DMD: variants seen among roughly 807,000 people sequenced by gnomAD.
DMD encodes dystrophin.
DMD carries 63 observed loss-of-function variants against 330.1 expected under a neutral mutation model. That is an observed-to-expected ratio of 0.19 (90% CI 0.16 to 0.24). DMD has a LOEUF of 0.24. DMD is among the 10% of genes least tolerant of loss of function. The pLI, the probability that DMD is intolerant of heterozygous loss-of-function variation, is 1.00. For missense variants in DMD, 3,344 were observed against 2,684.1 expected (o/e 1.25, Z -5.43); for synonymous variants, 1,223 against 959.8 (o/e 1.27, Z -5.07).
intron 45 of DMD, among the ~76,000 whole-genome samples, chrX:31,955,891 C>A (rs749703429): frequency 9.8e-5 from 11 of 112,002 alleles, no homozygotes; most frequent in Non-Finnish European, 1.5e-4. Context: ...AAATATTAGA[C>A]TTAGGCCATA....
intron 1 of DMD, among the ~76,000 whole-genome samples, chrX:33,192,350 T>C (rs766902486): frequency 1.8e-5 from 2 of 112,405 alleles, no homozygotes; most frequent in East Asian, 2.8e-4. Flanking sequence ...TCAAAAATCA[T>C]GTTAGTAATT....
At chrX:31,537,109 C>G (rs1183165518) in intron 55 of DMD, among the ~76,000 whole-genome samples, 2 of 112,378 alleles carry the variant, frequency 1.8e-5, no homozygotes, top group Non-Finnish European at 3.8e-5. Context: ...ATAATCAACA[C>G]TGAAATCACT....
At chrX:32,844,988 T>C (rs2080529338) in intron 3 of DMD, 128 bp from the exon 4 acceptor site, 1 of 579,871 alleles carries the variant, frequency 1.7e-6, no homozygotes, top group Non-Finnish European at 2.9e-6. Context: ...GAGGCATTAA[T>C]ATAATGAATC....
chrX:31,555,408 C>G (rs1317332800), intron 55 of DMD, among the ~76,000 whole-genome samples: 1 of 111,903 alleles, frequency 8.9e-6, no homozygotes, highest in African/African-American at 3.3e-5. Flanking sequence ...CATGAGGCAC[C>G]TGGGTACTAA....
chrX:32,648,365 T>C (rs1315240052), intron 9 of DMD, among the ~76,000 whole-genome samples: 2 of 112,158 alleles, frequency 1.8e-5, no homozygotes, highest in Non-Finnish European at 3.8e-5. Flanking sequence ...TAATTATTTG[T>C]CTAGATAGAC....
At chrX:32,336,602 C>T (rs186187514) in intron 41 of DMD, among the ~76,000 whole-genome samples, 3 of 111,256 alleles carry the variant, frequency 2.7e-5, no homozygotes, top group Non-Finnish European at 5.6e-5. Flanking sequence ...ATGTTCTGAA[C>T]GAGCAGTCTT....
intron 21 of DMD, among the ~76,000 whole-genome samples, chrX:32,479,393 T>C (rs1401876386): frequency 1.8e-5 from 2 of 111,443 alleles, no homozygotes; most frequent in Non-Finnish European, 3.8e-5. Flanking sequence ...CCAGTCTAAC[T>C]GAAACTTTCT....
Position 32,599,542 on chromosome X carries a change from G to C in DMD, c.1483-3666C>G, listed in dbSNP as rs189656088. 2.6e-3 allele frequency among the ~76,000 whole-genome samples: 296 copies of C among 112,147 alleles called. 1 individual carries two copies. The highest frequency in any genetic ancestry group is 9.3e-3 in the African/African-American group (287 of 30,969). Reference sequence around the variant, plus strand: ...GTCATAGATGAATTTATACAACGGAGATTTATATTGGATTTGCTAATTAAG... The same window carrying C: ...GTCATAGATGAATTTATACAACGGACATTTATATTGGATTTGCTAATTAAG... On this transcript the variant is annotated intron_variant, in intron 12 of 78. Coordinates refer to ENST00000357033, the MANE Select transcript of DMD (RefSeq NM_004006.3).
At chrX:32,380,744 C>T (rs2097921435) in intron 33 of DMD, 64 bp from the exon 34 acceptor site, 3 of 941,226 alleles carry the variant, frequency 3.2e-6, no homozygotes, top group Non-Finnish European at 4.5e-6. Flanking sequence ...GTTATAACCA[C>T]TTATTTGGAA....
intron 2 of DMD, among the ~76,000 whole-genome samples, chrX:32,949,251 T>C (rs868007646): frequency 1.1e-5 from 1 of 89,572 alleles, no homozygotes. Flanking sequence ...AATCGTTACA[T>C]ACACACACAC....
At chrX:31,598,282 C>T in intron 55 of DMD, among the ~76,000 whole-genome samples, 1 of 110,618 alleles carries the variant, frequency 9.0e-6, no homozygotes, top group African/African-American at 3.3e-5. Flanking sequence ...CCACATCCAA[C>T]TATTTTTTAA....
chrX:31,891,225 G>A (rs1334089087), intron 47 of DMD, among the ~76,000 whole-genome samples: 2 of 111,507 alleles, frequency 1.8e-5, no homozygotes, highest in African/African-American at 3.3e-5. Flanking sequence ...GCTGTGTGAC[G>A]GTATGAGGAA....
intron 1 of DMD, among the ~76,000 whole-genome samples, chrX:33,262,982 T>C (rs1004391908): frequency 1.8e-5 from 2 of 110,292 alleles, no homozygotes; most frequent in Admixed American, 9.7e-5. Context: ...GAGATATAAT[T>C]TCATACTCAT....
At chrX:31,468,152 T>C (rs1380345135) in intron 59 of DMD, among the ~76,000 whole-genome samples, 2 of 112,101 alleles carry the variant, frequency 1.8e-5, no homozygotes, top group Non-Finnish European at 3.8e-5. Flanking sequence ...GGATTTCTCA[T>C]GTCTCTATCT....
chrX:32,134,266 A>G (rs1057167604), intron 44 of DMD, among the ~76,000 whole-genome samples: 2 of 111,080 alleles, frequency 1.8e-5, no homozygotes, highest in African/African-American at 6.6e-5. Flanking sequence ...CATTCAAAAC[A>G]TCTACAGTAG....
intron 55 of DMD, among the ~76,000 whole-genome samples, chrX:31,588,981 G>GA (rs1407909725): frequency 9.6e-6 from 1 of 104,085 alleles, no homozygotes; most frequent in Non-Finnish European, 1.9e-5. Flanking sequence ...ATAACTTAAC[G>GA]AAGGATATTT....
intron 52 of DMD, among the ~76,000 whole-genome samples, chrX:31,725,233 A>C (rs1011602592): frequency 5.0e-4 from 55 of 110,689 alleles, no homozygotes; most frequent in African/African-American, 1.7e-3. Context: ...GGGAGTAGTA[A>C]TTTTATCTAC....
intron 44 of DMD, among the ~76,000 whole-genome samples, chrX:32,085,618 G>GTATA (rs202080218): frequency 0.23 from 17,997 of 77,597 alleles, 2,077 homozygotes; most frequent in East Asian, 0.4. Flanking sequence ...ATATATATAC[G>GTATA]TATATATATA....
intron 62 of DMD, among the ~76,000 whole-genome samples, chrX:31,312,796 C>G (rs191934531): frequency 8.9e-6 from 1 of 111,912 alleles, no homozygotes; most frequent in Non-Finnish European, 1.9e-5. Flanking sequence ...AATGAGATCA[C>G]GTCCTTTGCA....
Sources: allele counts gnomAD v4.1 joint callset (sites outside exome capture counted in the v4.1 genomes callset), GRCh38; gene constraint gnomAD v4.1.1; transcripts MANE v1.5; gene names NCBI Gene and HGNC (gene_info 2026-07-23, HGNC 2026-07-21).